Variants in IRAG1 observed in about 807,000 individuals in gnomAD.
IRAG1 encodes IP3R-associated cGMP kinase substrate.
In IRAG1, 62 loss-of-function variants were observed where a neutral mutation model predicts 106.2. The ratio of observed to expected loss-of-function variants is 0.58; its 90% CI spans 0.48 to 0.72. The LOEUF is 0.72. Ranked by LOEUF, IRAG1 falls within the 30% of genes least tolerant of loss-of-function variation. IRAG1 has a pLI of 0.00. For missense variants in IRAG1, 1,064 were observed against 1,140.7 expected, an observed-to-expected ratio of 0.93 and a Z score of 0.97; for synonymous variants, 462 against 443.9, an observed-to-expected ratio of 1.04 and a Z score of -0.51.
rs757862520 is a variant in IRAG1 at position 10,576,407 on chromosome 11, T to A, written c.2664A>T (p.Arg888Ser). The change falls in exon 21 of 21, where the codon AGA (arginine) becomes AGT (serine). Residue 888 changes from arginine to serine, a missense_variant. Physicochemically the swap from Arg to Ser is moderately radical, Grantham distance 110. Transcript: ENST00000423302. ...CAEQADGPLGRSTCSAAQRDS... is the reference protein window; with the variant it reads ...CAEQADGPLGSSTCSAAQRDS... ...CCCTCTGGGCTGCCGAGCAAGTGGA[T>A]CTTCCAAGGGGCCCATCAGCCTGCT... 1.9e-6 allele frequency: 3 copies of A among 1,613,944 alleles called. No individual in the cohort carries two copies. Among genetic ancestry groups the A allele is most frequent in the Non-Finnish European group, 2.5e-6 (3 of 1,179,880 alleles).
chr11:10,641,911 A>C (rs1857543760), intron 2 of IRAG1, among the ~76,000 whole-genome samples: 1 of 152,156 alleles, frequency 6.6e-6, no homozygotes, highest in Non-Finnish European at 1.5e-5. Context: ...CCTTCCCACG[A>C]CACCACGCTA....
At position 10,594,212 on chromosome 11, in the gene IRAG1, C is replaced by T. The variant is rs1853008068; in HGVS notation, c.2018-17G>A. The T allele has an allele frequency of 1.9e-6, 3 of 1,605,808 alleles. No individual in the cohort carries two copies. The highest frequency in any genetic ancestry group is 3.4e-5 in the Admixed American group (2 of 58,998). On this transcript the variant is annotated splice_polypyrimidine_tract_variant and intron_variant, in intron 15 of 20. Coordinates refer to ENST00000423302, the MANE Select transcript of IRAG1 (RefSeq NM_130385.4). ...CCCCATCTTCTGCAGCAGGAGGGAG[C>T]AGAGAAGAGAACACAGGTAAGTTTC...
intron 16 of IRAG1, chr11:10,593,894 G>A: frequency 1.8e-6 from 1 of 571,108 alleles, no homozygotes; most frequent in Non-Finnish European, 3.1e-6. Context: ...CTGTATTCAA[G>A]CTGCCTGTAG....
intron 10 of IRAG1, among the ~76,000 whole-genome samples, chr11:10,622,902 C>CACACACACACACACACACACACACACA (rs61234211): frequency 6.6e-6 from 1 of 151,780 alleles, no homozygotes; most frequent in Admixed American, 6.6e-5. Flanking sequence ...CACACACACA[C>CACACACACACACACACACACACACACA]TCCTGCCCTT....
Position 10,628,719 on chromosome 11 carries a change from G to A in IRAG1, c.652+32C>T, listed in dbSNP as rs1687460847. 2.7e-6 allele frequency: 4 copies of A among 1,494,946 alleles called. No homozygotes were observed. The highest frequency in any genetic ancestry group is 1.4e-5 in the African/African-American group (1 of 69,348). The allele number at this position is 1,494,946 out of a possible 1,614,324, so 92.6% of individuals were successfully genotyped here. A position where few individuals can be genotyped will look rare whatever the true frequency, so the allele number is the denominator to read the frequency against. ...GAGCTGCCACCCAGAGCGAGAGGCA[G>A]GGCAGGAAGTCCCCGGGCAGCTGGG... On this transcript the variant is annotated intron_variant, in intron 6 of 20. Coordinates refer to ENST00000423302, the MANE Select transcript of IRAG1 (RefSeq NM_130385.4). The surrounding 1 kb of genome is among the most constrained non-coding windows in gnomAD (Gnocchi z 4.1).
chr11:10,591,769 C>T (rs1217980358), intron 17 of IRAG1, among the ~76,000 whole-genome samples, 157 bp from the exon 18 acceptor site: 3 of 152,166 alleles, frequency 2.0e-5, no homozygotes, highest in Non-Finnish European at 4.4e-5. Context: ...AGGACTTGGC[C>T]CTTTCCCTCA....
At chr11:10,613,589 A>G (rs1304670467) in intron 10 of IRAG1, among the ~76,000 whole-genome samples, 1 of 152,260 alleles carries the variant, frequency 6.6e-6, no homozygotes, top group East Asian at 1.9e-4. Flanking sequence ...ATCTTTTTAC[A>G]TTTAAGTCTA....
intron 20 of IRAG1, among the ~76,000 whole-genome samples, chr11:10,579,521 T>A (rs1417236427): frequency 1.3e-5 from 2 of 152,204 alleles, no homozygotes; most frequent in Admixed American, 1.3e-4. Flanking sequence ...ACTTGTGGTT[T>A]AACTATACTA....
chr11:10,653,401 C>T (rs1449763518), intron 1 of IRAG1, among the ~76,000 whole-genome samples: 1 of 152,194 alleles, frequency 6.6e-6, no homozygotes, highest in East Asian at 1.9e-4. Context: ...TAACTGAAAA[C>T]ATGCTCCACT....
chr11:10,643,410 A>C (rs1354974973), intron 2 of IRAG1, among the ~76,000 whole-genome samples: 1 of 152,082 alleles, frequency 6.6e-6, no homozygotes, highest in Non-Finnish European at 1.5e-5. Flanking sequence ...CCTCTGGTGG[A>C]TCCTCTTTCC....
chr11:10,630,432 C>A (rs1856605497), intron 4 of IRAG1, among the ~76,000 whole-genome samples: 1 of 151,344 alleles, frequency 6.6e-6, no homozygotes. Flanking sequence ...AGTGCAGTGG[C>A]ACAATCTCGG....
At chr11:10,658,735 A>G (rs1186815173) in intron 1 of IRAG1, among the ~76,000 whole-genome samples, 1 of 142,106 alleles carries the variant, frequency 7.0e-6, no homozygotes, top group African/African-American at 2.7e-5. Flanking sequence ...TGCTGTGGTC[A>G]GTCCCAGGTC....
intron 1 of IRAG1, among the ~76,000 whole-genome samples, chr11:10,654,524 T>C (rs1450714329): frequency 6.6e-6 from 1 of 152,178 alleles, no homozygotes; most frequent in Non-Finnish European, 1.5e-5. Flanking sequence ...TCATTCATTC[T>C]TTCACTGCCA....
At chr11:10,636,634 G>C (rs553360799) in intron 2 of IRAG1, among the ~76,000 whole-genome samples, 183 of 152,224 alleles carry the variant, frequency 1.2e-3, no homozygotes, top group African/African-American at 4.2e-3. Context: ...GACCCTAAAG[G>C]GCTCGCAGTC....
intron 1 of IRAG1, among the ~76,000 whole-genome samples, chr11:10,676,193 G>A: frequency 6.6e-6 from 1 of 152,266 alleles, no homozygotes; most frequent in East Asian, 1.9e-4. Context: ...GCAGGACACA[G>A]AAAGTGATGG....
intron 1 of IRAG1, among the ~76,000 whole-genome samples, chr11:10,681,384 T>G (rs1053910854): frequency 6.6e-6 from 1 of 152,250 alleles, no homozygotes; most frequent in African/African-American, 2.4e-5. Flanking sequence ...AATGTTTTTT[T>G]TAAAAATACA....
chr11:10,594,488 C>T (rs1853049152), intron 15 of IRAG1, among the ~76,000 whole-genome samples: 1 of 152,132 alleles, frequency 6.6e-6, no homozygotes, highest in Admixed American at 6.5e-5. Flanking sequence ...CTGCATAACA[C>T]CCTAGATAGT....
intron 1 of IRAG1, among the ~76,000 whole-genome samples, chr11:10,653,535 T>C (rs763388399): frequency 6.6e-5 from 10 of 151,702 alleles, no homozygotes; most frequent in African/African-American, 7.3e-5. Flanking sequence ...CAGGTTTCCA[T>C]AGGGAAAGGC....
At chr11:10,652,768 G>A (rs1284485884) in intron 1 of IRAG1, among the ~76,000 whole-genome samples, 1 of 152,150 alleles carries the variant, frequency 6.6e-6, no homozygotes, top group Non-Finnish European at 1.5e-5. Context: ...TGGATGGGGA[G>A]TAAGAGGTGC....
Sources: gnomAD v4.1 joint callset for allele counts (sites outside exome capture counted in the v4.1 genomes callset) on GRCh38, gnomAD v4.1.1 for gene constraint, Gnocchi (gnomAD v3.1) non-coding constraint, MANE v1.5 for transcripts, NCBI Gene and HGNC (gene_info 2026-07-23, HGNC 2026-07-21) for gene names.